MYOT: variants seen among roughly 807,000 people sequenced by gnomAD.
The protein encoded by MYOT is 57 kDa cytoskeletal protein.
A neutral mutation model predicts 58.0 loss-of-function variants in MYOT; 36 were observed. That is an observed-to-expected ratio of 0.62 (90% CI 0.48 to 0.82). MYOT has a LOEUF of 0.82. MYOT is among the 40% of genes least tolerant of loss of function. The pLI, the probability that MYOT is intolerant of heterozygous loss-of-function variation, is 0.00. For synonymous variants in MYOT, 218 were observed against 204.6 expected (o/e 1.07, Z -0.56); for missense variants, 505 against 592.1 (o/e 0.85, Z 1.53).
chr5:137,877,951 C>G (rs1755286354), intron 4 of MYOT, among the ~76,000 whole-genome samples: 1 of 152,088 alleles, frequency 6.6e-6, no homozygotes, highest in Non-Finnish European at 1.5e-5. Flanking sequence ...GGTTGTGAAC[C>G]TCCAATAGGA....
chr5:137,875,923 C>A lies in MYOT; in HGVS notation c.451C>A (p.Gln151Lys). Residue 151 changes from glutamine (Q) to lysine (K), a missense_variant, in exon 3 of 10, where the codon CAA (glutamine) becomes AAA (lysine). Transcript: ENST00000239926. ...ACCAAGAACTCCTGATCATGAAATA[C>A]AAGGATCAAAAGAAGCTTTGATTCA... ...PIPRTPDHEI[Q>K]GSKEALIQDL... 6.2e-7 allele frequency: 1 copy of A among 1,614,022 alleles called. No homozygotes were observed. The highest frequency in any genetic ancestry group is 2.2e-5 in the East Asian group (1 of 44,852).
rs2149988121 is a variant in MYOT, at chr5:137,883,587, C to T, written c.1020C>T (p.Val340=). The T allele has an allele frequency of 6.2e-7, 1 of 1,613,674 alleles. No homozygotes were observed. The highest frequency in any genetic ancestry group is 8.5e-7 in the Non-Finnish European group (1 of 1,179,644). Reference sequence around the variant, plus strand: ...CCACCTTCACTGTGCAGCTGGATGTCCTTGGTAAGCCTCCAAAGAGACCCT... The same window carrying T: ...CCACCTTCACTGTGCAGCTGGATGTTCTTGGTAAGCCTCCAAAGAGACCCT... ...GEATFTVQLD[V]LAKEHKRAPM... is the part of the protein sequence containing the mutation. Residue 340 remains valine (V), a synonymous_variant, in exon 7 of 10, where the codon GTC becomes GTT. Transcript: ENST00000239926.
rs997275341 is a variant in MYOT, at chr5:137,875,983, C to T, written c.511C>T (p.Leu171Phe). Residue 171 changes from leucine (L) to phenylalanine (F), a missense_variant, in exon 3 of 10, where the codon CTT becomes TTT. Coordinates refer to ENST00000239926, the MANE Select transcript of MYOT (RefSeq NM_006790.3). ...LERKLKCKDT[L>F]LHNGNQRLTY... ...AAGAAAGCTGAAATGCAAGGACACC[C>T]TTCTTCATAATGGAAATCAAGTGGG... The T allele has an allele frequency of 1.2e-6, 2 of 1,613,988 alleles. No homozygotes were observed.
At chr5:137,884,238 C>A (rs1755525496) in intron 7 of MYOT, among the ~76,000 whole-genome samples, 1 of 151,976 alleles carries the variant, frequency 6.6e-6, no homozygotes, top group Non-Finnish European at 1.5e-5. Context: ...ACCTATAGTC[C>A]CAGCTACTAG....
intron 4 of MYOT, among the ~76,000 whole-genome samples, chr5:137,879,611 G>A (rs910671800): frequency 2.3e-5 from 3 of 128,830 alleles, no homozygotes; most frequent in South Asian, 5.3e-4. Flanking sequence ...TGCAAGCTCC[G>A]CCTCCCGGGT....
At chr5:137,874,298 C>A (rs1006117954) in intron 2 of MYOT, among the ~76,000 whole-genome samples, 4 of 152,122 alleles carry the variant, frequency 2.6e-5, no homozygotes, top group African/African-American at 9.7e-5. Flanking sequence ...AAAACCCCGT[C>A]TCTACTAAAA....
chr5:137,870,771 T>A lies in MYOT; in HGVS notation c.120T>A (p.Ile40=), dbSNP rs139254363. ...CTAGCCAGACCAAACAGTCTTCCAT[T>A]ATCATCCAGCCCCGCCAGTGTACAG... ...SFSSQTKQSS[I]IIQPRQCTEQ... Residue 40 remains isoleucine, a synonymous_variant, in exon 2 of 10, where the codon ATT becomes ATA. Transcript: ENST00000239926. 6.9e-4 allele frequency: 1,108 copies of A among 1,614,158 alleles called. No homozygotes were observed. The highest frequency in any genetic ancestry group is 8.6e-4 in the Non-Finnish European group (1,016 of 1,180,028).
At chr5:137,880,142 A>G (rs1755378957) in intron 4 of MYOT, among the ~76,000 whole-genome samples, 1 of 152,200 alleles carries the variant, frequency 6.6e-6, no homozygotes, top group Admixed American at 6.5e-5. Flanking sequence ...ACACTACTTA[A>G]TCAATTAGTT....
In MYOT at chr5:137,883,502, T is replaced by C. The variant is rs144649786; in HGVS notation, c.935T>C (p.Val312Ala). Residue 312 changes from valine (V) to alanine (A), a missense_variant, in exon 7 of 10, where the codon GTA becomes GCA. Physicochemically the swap from Val to Ala is moderately conservative, Grantham distance 64. Coordinates refer to ENST00000239926, the MANE Select transcript of MYOT (RefSeq NM_006790.3). Reference protein sequence around the residue: ...EKGLHSLIFEVVRASDAGAYA... With the variant: ...EKGLHSLIFEAVRASDAGAYA... ...GGTCTTCATTCACTCATCTTTGAAGTAGTCAGAGCTTCAGATGCAGGGGCT... is the reference window on the plus strand; with the variant it reads ...GGTCTTCATTCACTCATCTTTGAAGCAGTCAGAGCTTCAGATGCAGGGGCT... 35 of 1,614,020 alleles carry C rather than the reference T, an allele frequency of 2.2e-5. No individual in the cohort carries two copies. Among genetic ancestry groups the C allele is most frequent in the Non-Finnish European group, 2.8e-5 (33 of 1,180,008 alleles).
At chr5:137,877,066 T>TA (rs34554181) in intron 3 of MYOT, among the ~76,000 whole-genome samples, 11,826 of 143,240 alleles carry the variant, frequency 0.083, 491 homozygotes, top group African/African-American at 0.1. Flanking sequence ...GAAAAGACTT[T>TA]AAAAAAAAAA....
chr5:137,883,281 A>G, intron 6 of MYOT, 103 bp from the exon 7 acceptor site: 1 of 963,742 alleles, frequency 1.0e-6, no homozygotes, highest in Non-Finnish European at 1.7e-6. Context: ...TCAATCGCAA[A>G]CCCACTCAGA....
chr5:137,874,287 CA>C (rs1330853435), intron 2 of MYOT, among the ~76,000 whole-genome samples: 1 of 152,030 alleles, frequency 6.6e-6, no homozygotes, highest in Admixed American at 6.6e-5. Context: ...GCCAACATGG[CA>C]AAACCCCGTC....
intron 2 of MYOT, among the ~76,000 whole-genome samples, chr5:137,874,195 G>A (rs1376031617): frequency 2.6e-5 from 4 of 151,934 alleles, no homozygotes; most frequent in African/African-American, 4.8e-5. Flanking sequence ...GGCCGGGTGC[G>A]GTGGCTCAAG....
chr5:137,880,211 T>C (rs1040435183), intron 4 of MYOT, among the ~76,000 whole-genome samples: 1 of 152,236 alleles, frequency 6.6e-6, no homozygotes, highest in Admixed American at 6.5e-5. Context: ...TTTTCTGCTG[T>C]TCGGATATAA....
At chr5:137,874,436 C>T (rs991038529) in intron 2 of MYOT, among the ~76,000 whole-genome samples, 2 of 152,078 alleles carry the variant, frequency 1.3e-5, no homozygotes, top group Non-Finnish European at 2.9e-5. Flanking sequence ...CACTGCACTC[C>T]AGCCTGGGCA....
At position 137,886,939 on chromosome 5, in the gene MYOT, T is replaced by C; in HGVS notation, c.1266T>C (p.Thr422=). The C allele has an allele frequency of 1.2e-6, 2 of 1,610,934 alleles. No homozygotes were observed. The change falls in exon 9 of 10, where the codon ACT becomes ACC. Residue 422 remains threonine, a synonymous_variant. Coordinates refer to ENST00000239926, the MANE Select transcript of MYOT (RefSeq NM_006790.3). ...ACAAGAAAGATGCTGGGTGGTATAC[T>C]GTGTCAGCAGTTAATGAAGCTGGAG... is the stretch of plus-strand genomic sequence containing the variant. ...DVNKKDAGWY[T]VSAVNEAGVT...
rs774308558 is a variant in MYOT, at chr5:137,886,907, G to C, written c.1234G>C (p.Asp412His). The C allele has an allele frequency of 1.3e-6, 2 of 1,594,090 alleles. No homozygotes were observed. Among genetic ancestry groups the C allele is most frequent in the East Asian group, 4.5e-5 (2 of 44,768 alleles). The change falls in exon 9 of 10, where the codon GAT becomes CAT. Residue 412 changes from aspartate to histidine, a missense_variant. Transcript: ENST00000239926. Reference protein sequence around the residue: ...NTGRVTLLIKDVNKKDAGWYT... With the variant: ...NTGRVTLLIKHVNKKDAGWYT... ...TGGAAGAGTTACTTTACTGATAAAA[G>C]ATGTAAACAAGAAAGATGCTGGGTG...
Position 137,885,654 on chromosome 5 carries a change from C to A in MYOT, c.1025-394C>A, listed in dbSNP as rs190764198. On this transcript the variant is annotated intron_variant, in intron 7 of 9. Transcript: ENST00000239926. ...GTTGGGTGTGGTGCACACCTGTAAT[C>A]CCAGCTACTCAGGAGGCTGTGGCAG... 6.5e-4 allele frequency among the ~76,000 whole-genome samples: 98 copies of A among 151,566 alleles called. 1 individual carries two copies. The highest frequency in any genetic ancestry group is 2.5e-3 in the South Asian group (12 of 4,790).
intron 6 of MYOT, 23 bp downstream of exon 6, chr5:137,882,128 C>T: frequency 6.2e-7 from 1 of 1,613,478 alleles, no homozygotes. Flanking sequence ...TTCAAAAGTA[C>T]TGGGGGAAAA....
Sources: gnomAD v4.1 joint callset for allele counts (sites outside exome capture counted in the v4.1 genomes callset) on GRCh38, gnomAD v4.1.1 for gene constraint, MANE v1.5 for transcripts, NCBI Gene and HGNC (gene_info 2026-07-23, HGNC 2026-07-21) for gene names.